Variants in PISD observed in about 807,000 individuals in gnomAD.
PISD encodes phosphatidylserine decarboxylase, also known as phosphatidylserine decarboxylase proenzyme, mitochondrial.
PISD carries 31 observed loss-of-function variants against 43.5 expected under a neutral mutation model. The ratio of observed to expected loss-of-function variants is 0.71; its 90% confidence interval spans 0.54 to 0.96. The LOEUF is 0.96. Among genes scored for constraint, PISD ranks in the 40% least tolerant of loss-of-function variants. PISD has a pLI of 0.00. For missense variants in PISD, 523 were observed against 548.4 expected, an observed-to-expected ratio of 0.95 and a Z score of 0.46; for synonymous variants, 259 against 228.7, an observed-to-expected ratio of 1.13 and a Z score of -1.20.
Position 31,621,408 on chromosome 22 carries a change from A to G in PISD, c.623T>C (p.Val208Ala), listed in dbSNP as rs1374629535. Residue 208 changes from valine (V) to alanine (A), a missense_variant, in exon 5 of 8, where the codon GTA becomes GCA. Coordinates refer to ENST00000439502, the MANE Select transcript of PISD (RefSeq NM_001326411.2). ...GQVKNCEVEQ[V>A]KGVTYSLESF... The stretch of plus-strand genomic sequence containing the variant: ...CTCCAGGGAGTAGGTGACCCCCTTT[A>G]CCTGCTCCACCTCACAGTTCTTCAC... 4 of 1,613,868 alleles carry G rather than the reference A, an allele frequency of 2.5e-6. No individual in the cohort carries two copies. The highest frequency in any genetic ancestry group is 3.4e-6 in the Non-Finnish European group (4 of 1,179,992).
rs189836038 is a variant in PISD at position 31,644,486 on chromosome 22, G to A, written c.321+3615C>T. On this transcript the variant is annotated intron_variant, in intron 3 of 7. Transcript: ENST00000439502. ...GATCTCCTGACCTCGTGATCCGCCC[G>A]CCTCGGCCTCCCAAAGTGCTGGGAT... Among the ~76,000 whole-genome samples the A allele has an allele frequency of 4.9e-3, 747 of 152,046 alleles. 5 individuals carry two copies. The highest frequency in any genetic ancestry group is 0.017 in the African/African-American group (705 of 41,506).
At chr22:31,660,561 G>A (rs908942900) in intron 1 of PISD, among the ~76,000 whole-genome samples, 1 of 152,120 alleles carries the variant, frequency 6.6e-6, no homozygotes, top group Non-Finnish European at 1.5e-5. Flanking sequence ...AGGAGGCTGA[G>A]GTGGAAGAAC....
chr22:31,618,551 A>G lies in PISD; in HGVS notation c.*1061T>C. 2.2e-6 allele frequency: 2 copies of G among 917,742 alleles called. No individual in the cohort carries two copies. The highest frequency in any genetic ancestry group is 1.5e-6 in the Non-Finnish European group (1 of 655,688). The allele number at this position is 917,742 out of a possible 1,614,324, so 56.8% of individuals were successfully genotyped here. Reference sequence around the variant, plus strand: ...GCAATTAAATGAATTACTGTTCAGAAGTCTCCCACTTTTCATACAAAAATA... The same window carrying G: ...GCAATTAAATGAATTACTGTTCAGAGGTCTCCCACTTTTCATACAAAAATA... On this transcript the variant is annotated 3_prime_UTR_variant, in exon 8 of 8. Transcript: ENST00000439502.
chr22:31,638,810 T>C (rs1473759355), intron 3 of PISD: 1 of 153,996 alleles, frequency 6.5e-6, no homozygotes, highest in African/African-American at 2.5e-5. Context: ...TTTTCCATTT[T>C]TTTTTTCTTT....
intron 3 of PISD, among the ~76,000 whole-genome samples, chr22:31,634,159 C>G (rs1026972039): frequency 6.6e-6 from 1 of 152,220 alleles, no homozygotes; most frequent in Non-Finnish European, 1.5e-5. Flanking sequence ...AAGGTAGCTG[C>G]GGAACAGGGG....
rs554659605 is a variant in PISD, at chr22:31,648,295, C to T, written c.146-19G>A. The T allele has an allele frequency of 1.0e-5, 16 of 1,583,736 alleles. No homozygotes were observed. In the African/African-American group the frequency reaches 1.3e-4, roughly 13 times the overall value. On this transcript the variant is annotated intron_variant, in intron 2 of 7. Coordinates refer to ENST00000439502, the MANE Select transcript of PISD (RefSeq NM_001326411.2). Reference sequence around the variant, plus strand: ...CTGGCATCTGTAATAAAAAACAGGACAATTTCAAGCCTGAGAGACAGGAAT... The same window carrying T: ...CTGGCATCTGTAATAAAAAACAGGATAATTTCAAGCCTGAGAGACAGGAAT...
At chr22:31,655,167 A>C (rs938425153) in intron 1 of PISD, among the ~76,000 whole-genome samples, 7 of 151,726 alleles carry the variant, frequency 4.6e-5, no homozygotes, top group Non-Finnish European at 8.8e-5. Flanking sequence ...AGGAACACCC[A>C]ATGCAGCTTT....
intron 3 of PISD, among the ~76,000 whole-genome samples, chr22:31,624,817 C>G (rs1268326892): frequency 2.0e-5 from 3 of 152,068 alleles, no homozygotes; most frequent in Non-Finnish European, 4.4e-5. Flanking sequence ...TCCCCACCCT[C>G]CCAGCACAAA....
At chr22:31,656,907 C>A (rs1362721814) in intron 1 of PISD, among the ~76,000 whole-genome samples, 1 of 152,110 alleles carries the variant, frequency 6.6e-6, no homozygotes, top group East Asian at 1.9e-4. Context: ...CTCCTCAGTG[C>A]AGTTTTTCCT....
Position 31,637,153 on chromosome 22 carries a change from AAAAAAAAAAAAATATATATATATAT to A in PISD, c.321+10923_321+10947del, listed in dbSNP as rs1411998318. Among the ~76,000 whole-genome samples the A allele has an allele frequency of 1.1e-3, 37 of 33,474 alleles. 1 individual carries two copies. Among genetic ancestry groups the A allele is most frequent in the Admixed American group, 3.5e-3 (10 of 2,860 alleles). The allele number at this position is 33,474 out of a possible 152,430, so 22.0% of individuals were successfully genotyped here. ...TAATAATAAATAAATTAAAAAAAAA[AAAAAAAAAAAAATATATATATATAT>A]ATATATATATATATATATATATATA... On this transcript the variant is annotated intron_variant, in intron 3 of 7. Transcript: ENST00000439502.
At chr22:31,632,998 C>T (rs2073273092) in intron 3 of PISD, among the ~76,000 whole-genome samples, 3 of 152,164 alleles carry the variant, frequency 2.0e-5, no homozygotes, top group African/African-American at 4.8e-5. Flanking sequence ...TGTAACTGAT[C>T]CCAGCATTCT....
At chr22:31,628,928 G>A (rs2073053462) in intron 3 of PISD, 4 of 985,274 alleles carry the variant, frequency 4.1e-6, no homozygotes, top group Non-Finnish European at 4.8e-6. Context: ...AAATAAGAGG[G>A]GCTTAGGTGG....
intron 3 of PISD, among the ~76,000 whole-genome samples, chr22:31,624,306 C>T (rs377214411): frequency 6.6e-6 from 1 of 152,208 alleles, no homozygotes; most frequent in Non-Finnish European, 1.5e-5. Flanking sequence ...CTCTGCCACA[C>T]AGGCACTGGC....
chr22:31,662,226 A>C (rs751787309), upstream of PISD: 2 of 1,601,266 alleles, frequency 1.2e-6, no homozygotes, highest in East Asian at 2.2e-5. Context: ...GCTCCTTCTC[A>C]GCGTGCCACG....
chr22:31,625,662 T>C (rs1338909061), intron 3 of PISD: 25 of 1,455,930 alleles, frequency 1.7e-5, no homozygotes, highest in Non-Finnish European at 2.2e-5. Flanking sequence ...ACCAGTCCCC[T>C]TGCCGCCACC....
At chr22:31,656,772 C>A (rs898697654) in intron 1 of PISD, among the ~76,000 whole-genome samples, 2 of 152,250 alleles carry the variant, frequency 1.3e-5, no homozygotes, top group Admixed American at 6.5e-5. Context: ...ACTCCTCTTG[C>A]CGCTCCTTGT....
At chr22:31,647,635 G>A (rs932698082) in intron 3 of PISD, among the ~76,000 whole-genome samples, 11 of 152,126 alleles carry the variant, frequency 7.2e-5, no homozygotes, top group African/African-American at 2.4e-4. Flanking sequence ...ATTACGTATC[G>A]TGCATTCCGT....
intron 3 of PISD, among the ~76,000 whole-genome samples, chr22:31,637,090 C>T (rs1257422537): frequency 1.4e-5 from 2 of 144,820 alleles, no homozygotes; most frequent in Non-Finnish European, 3.0e-5. Context: ...GAGGTTGAGA[C>T]CTGCCTGGGC....
In PISD at chr22:31,619,830, G is replaced by A; in HGVS notation, c.1012C>T (p.His338Tyr). 1 of 1,612,508 alleles carries A rather than the reference G, an allele frequency of 6.2e-7. No homozygotes were observed. The highest frequency in any genetic ancestry group is 8.5e-7 in the Non-Finnish European group (1 of 1,178,772). The change falls in exon 8 of 8, where the codon CAC becomes TAC. Residue 338 changes from histidine to tyrosine, a missense_variant. His to Tyr is a moderately conservative substitution (Grantham distance 83). Coordinates refer to ENST00000439502, the MANE Select transcript of PISD (RefSeq NM_001326411.2). ...TTGCTGTGCCTTGGGCTGTTTGTGT[G>A]CAGGTCCTGTGGTGATAGGCTGGGG... Reference protein sequence around the residue: ...SIRIYFDRDLHTNSPRHSKGS... With the variant: ...SIRIYFDRDLYTNSPRHSKGS...
Sources: allele counts gnomAD v4.1 joint callset (sites outside exome capture counted in the v4.1 genomes callset), GRCh38; gene constraint gnomAD v4.1.1; transcripts MANE v1.5; gene names NCBI Gene and HGNC (gene_info 2026-07-23, HGNC 2026-07-21).